The following PAICS variants were observed in gnomAD, a reference collection of about 807,000 sequenced individuals.
PAICS encodes phosphoribosylaminoimidazole carboxylase and phosphoribosylaminoimidazolesuccinocarboxamide synthase.
PAICS carries 33 observed loss-of-function variants against 53.7 expected under a neutral mutation model. That is an observed-to-expected ratio of 0.61 (90% CI 0.47 to 0.82). The LOEUF (loss-of-function observed/expected upper bound fraction) is 0.82, where lower values mean the gene tolerates loss of function less well. PAICS is among the 40% of genes least tolerant of loss of function. The pLI, the probability that PAICS is intolerant of heterozygous loss-of-function variation, is 0.00. For synonymous variants in PAICS, 141 were observed against 167.2 expected (o/e 0.84, Z 1.21); for missense variants, 394 against 494.1 (o/e 0.80, Z 1.92).
the PAICS span, chr4:56,416,365 T>C: frequency 4.1e-5 from 35 of 851,584 alleles, no homozygotes; most frequent in Non-Finnish European, 4.8e-5. Context: ...AAATGTCAAT[T>C]GCATCAGTAG....
At chr4:56,416,658 A>C in the PAICS span, among the ~76,000 whole-genome samples, 1 of 152,150 alleles carries the variant, frequency 6.6e-6, no homozygotes, top group African/African-American at 2.4e-5. Context: ...TAATTTCCGA[A>C]CTTTACTCTT....
At chr4:56,437,419 G>T (rs1357353614) in intron 1 of PAICS, among the ~76,000 whole-genome samples, 3 of 151,990 alleles carry the variant, frequency 2.0e-5, no homozygotes, top group Admixed American at 6.6e-5. Flanking sequence ...ACAAATGCTG[G>T]TTTTTTCCAC....
In PAICS at chr4:56,439,635, G is replaced by A. The variant is rs562610273; in HGVS notation, c.17-2028G>A. Among the ~76,000 whole-genome samples, 5 of 151,952 alleles carry A rather than the reference G, an allele frequency of 3.3e-5. No individual in the cohort carries two copies. The South Asian group carries it at 1.0e-3, about 31-fold the overall frequency. ...ATCTTTGCCCACTACTCTTTCCTTA[G>A]ACCAAGACATTTCTTTTTCTTTTCC... On this transcript the variant is annotated intron_variant, in intron 1 of 8. Coordinates refer to ENST00000512576, the MANE Select transcript of PAICS (RefSeq NM_001079524.2).
chr4:56,433,577 T>C (rs780040719), upstream of PAICS, among the ~76,000 whole-genome samples: 8 of 152,024 alleles, frequency 5.3e-5, no homozygotes, highest in Non-Finnish European at 8.8e-5. Context: ...TTGAATAACT[T>C]TGGCAAAAAA....
intron 2 of PAICS, among the ~76,000 whole-genome samples, chr4:56,445,033 C>T (rs1718534742): frequency 6.6e-6 from 1 of 152,102 alleles, no homozygotes; most frequent in Non-Finnish European, 1.5e-5. Context: ...CAGATTGCAT[C>T]TAATTTTTTT....
chr4:56,424,341 C>T, the PAICS span, among the ~76,000 whole-genome samples: 6 of 152,196 alleles, frequency 3.9e-5, no homozygotes, highest in East Asian at 7.7e-4. Context: ...TTCAGGCACC[C>T]GTATTTTTAG....
rs1719473248 is a variant in PAICS at position 56,460,791 on chromosome 4, T to G, written c.*1253T>G. ...TTTGAGACCAGCCTGGCCAACATGG[T>G]GAAACCCTGTCTCTACTAAAAATAC... On this transcript the variant is annotated 3_prime_UTR_variant, in exon 9 of 9. Transcript: ENST00000512576. 6.6e-6 allele frequency: 1 copy of G among 152,012 alleles called. No homozygotes were observed. The highest frequency in any genetic ancestry group is 1.9e-4 in the East Asian group (1 of 5,188). The allele number at this position is 152,012 out of a possible 1,614,324, so 9.4% of individuals were successfully genotyped here. A position where few individuals can be genotyped will look rare whatever the true frequency, so the allele number is the denominator to read the frequency against.
At chr4:56,435,901 C>T (rs752603269), upstream of PAICS, 1 of 1,487,180 alleles carries the variant, frequency 6.7e-7, no homozygotes, top group South Asian at 1.1e-5. Context: ...CCCTTCCCTG[C>T]ATGCTTCCCC....
chr4:56,413,950 A>G, the PAICS span, among the ~76,000 whole-genome samples: 1 of 152,184 alleles, frequency 6.6e-6, no homozygotes, highest in African/African-American at 2.4e-5. Flanking sequence ...TTAAGAAACA[A>G]TGGCCTATAA....
chr4:56,445,326 G>C (rs536602911), intron 2 of PAICS, among the ~76,000 whole-genome samples: 1 of 152,026 alleles, frequency 6.6e-6, no homozygotes, highest in Non-Finnish European at 1.5e-5. Flanking sequence ...GGCCAGGCGC[G>C]GTGGCTCACA....
the PAICS span, among the ~76,000 whole-genome samples, chr4:56,418,371 G>C: frequency 1.3e-5 from 2 of 152,038 alleles, no homozygotes. Context: ...CCAAGCTGGA[G>C]TGCAGTGGTG....
At chr4:56,427,961 C>T in the PAICS span, among the ~76,000 whole-genome samples, 1 of 152,170 alleles carries the variant, frequency 6.6e-6, no homozygotes, top group Admixed American at 6.5e-5. Flanking sequence ...CCACTTCTCA[C>T]TAAAAGAAAT....
At chr4:56,422,466 GT>G in the PAICS span, 67,066 of 141,960 alleles carry the variant, frequency 0.47, 15,643 homozygotes, top group East Asian at 0.53. Context: ...TAATATTCTG[GT>G]TTTTTTTTTT....
At chr4:56,426,261 C>T in the PAICS span, among the ~76,000 whole-genome samples, 22 of 151,978 alleles carry the variant, frequency 1.4e-4, no homozygotes, top group African/African-American at 4.8e-4. Flanking sequence ...ATTAGCTGGG[C>T]GTGGTGGCCG....
At chr4:56,450,132 G>A (rs1718831820) in intron 5 of PAICS, among the ~76,000 whole-genome samples, 1 of 152,082 alleles carries the variant, frequency 6.6e-6, no homozygotes, top group African/African-American at 2.4e-5. Flanking sequence ...GAAAACACAT[G>A]GACACAGGGA....
intron 1 of PAICS, among the ~76,000 whole-genome samples, chr4:56,438,369 GTTTATATATATATA>G (rs1440971630): frequency 4.5e-5 from 2 of 44,624 alleles, no homozygotes; most frequent in African/African-American, 1.4e-4. Context: ...GGTGCAATGT[GTTTATATATATATA>G]TATATATATA....
the PAICS span, among the ~76,000 whole-genome samples, chr4:56,424,369 C>T: frequency 6.6e-6 from 1 of 152,156 alleles, no homozygotes; most frequent in Non-Finnish European, 1.5e-5. Flanking sequence ...TCAAGCATAG[C>T]CAGCACTGGA....
At position 56,463,736 on chromosome 4, in the gene PAICS, G is replaced by A. The variant is rs909759034; in HGVS notation, c.*4198G>A. The A allele has an allele frequency of 6.6e-6, 1 of 151,184 alleles. No individual in the cohort carries two copies. The allele number at this position is 151,184 out of a possible 1,614,324, so 9.4% of individuals were successfully genotyped here. A position where few individuals can be genotyped will look rare whatever the true frequency, so the allele number is the denominator to read the frequency against. On this transcript the variant is annotated 3_prime_UTR_variant, in exon 9 of 9. Coordinates refer to ENST00000512576, the MANE Select transcript of PAICS (RefSeq NM_001079524.2). Reference sequence around the variant, plus strand: ...AGATACTGTACATGGAAGCTTCTCAGGCTAAATCCATTAATATAAAAATAC... The same window carrying A: ...AGATACTGTACATGGAAGCTTCTCAAGCTAAATCCATTAATATAAAAATAC...
chr4:56,438,414 TTTG>T lies in PAICS; in HGVS notation c.16+2095_16+2097del, dbSNP rs1718163068. Among the ~76,000 whole-genome samples the T allele has an allele frequency of 4.6e-5, 6 of 130,094 alleles. No individual in the cohort carries two copies. In the South Asian group the frequency reaches 1.5e-3, roughly 33 times the overall value. 85.3% of individuals were successfully genotyped at this position (130,094 alleles called of 152,430 possible). On this transcript the variant is annotated intron_variant, in intron 1 of 8. Transcript: ENST00000512576. ...ATATATATATATATAAAAGGTTTTT[TTTG>T]TTGTTGTTTTTTGTTTGTTTTGCTT...
Sources: gnomAD v4.1 joint callset for allele counts (sites outside exome capture counted in the v4.1 genomes callset) on GRCh38, gnomAD v4.1.1 for gene constraint, MANE v1.5 for transcripts, NCBI Gene and HGNC (gene_info 2026-07-23, HGNC 2026-07-21) for gene names.